The following SIPA1L1 variants were observed in gnomAD, a reference collection of about 807,000 sequenced individuals.
SIPA1L1 encodes the protein signal-induced proliferation-associated 1-like protein 1.
In SIPA1L1, 26 loss-of-function variants were observed where a neutral mutation model predicts 162.7. The ratio of observed to expected loss-of-function variants is 0.16; its 90% CI spans 0.12 to 0.22. The LOEUF (loss-of-function observed/expected upper bound fraction) is 0.22, where lower values mean the gene tolerates loss of function less well. Ranked by LOEUF, SIPA1L1 falls within the 10% of genes least tolerant of loss-of-function variation. SIPA1L1 has a pLI of 1.00. For synonymous variants in SIPA1L1, 829 were observed against 837.4 expected, an observed-to-expected ratio of 0.99 and a Z score of 0.17; for missense variants, 1,874 against 2,241.0, an observed-to-expected ratio of 0.84 and a Z score of 3.31.
chr14:71,603,954 T>G, intron 5 of SIPA1L1, among the ~76,000 whole-genome samples: 1 of 145,388 alleles, frequency 6.9e-6, no homozygotes, highest in African/African-American at 2.5e-5. Context: ...TATATATTTA[T>G]ATATATTTAT....
intron 3 of SIPA1L1, among the ~76,000 whole-genome samples, chr14:71,526,465 T>C (rs2052883929): frequency 6.6e-6 from 1 of 152,352 alleles, no homozygotes. Context: ...GTGTCTGGCA[T>C]CTTTGTCTCA....
At chr14:71,643,436 G>A (rs558773166) in intron 7 of SIPA1L1, among the ~76,000 whole-genome samples, 1 of 152,148 alleles carries the variant, frequency 6.6e-6, no homozygotes, top group African/African-American at 2.4e-5. Context: ...AGACTTTTTT[G>A]TGTGTTTACC....
intron 2 of SIPA1L1, among the ~76,000 whole-genome samples, chr14:71,491,841 G>A (rs2049310355): frequency 7.8e-6 from 1 of 128,154 alleles, no homozygotes; most frequent in Non-Finnish European, 1.7e-5. Context: ...CACATGAAGA[G>A]TTGGCATTTG....
intron 6 of SIPA1L1, among the ~76,000 whole-genome samples, chr14:71,621,686 T>C (rs375332695): frequency 1.3e-5 from 2 of 152,180 alleles, no homozygotes; most frequent in South Asian, 4.1e-4. Flanking sequence ...CCCACTAGAA[T>C]GCAGGCCCCA....
intron 5 of SIPA1L1, among the ~76,000 whole-genome samples, chr14:71,603,923 ATATATATATTTATATATCTATATATATT>A (rs1233188438): frequency 1.4e-5 from 2 of 142,778 alleles, no homozygotes; most frequent in Admixed American, 7.1e-5. Context: ...ATATATAAAT[ATATATATATTTATATATCTATATATATT>A]TATATATATT....
At chr14:71,731,064 C>A (rs2084724533) in intron 20 of SIPA1L1, among the ~76,000 whole-genome samples, 1 of 152,198 alleles carries the variant, frequency 6.6e-6, no homozygotes, top group South Asian at 2.1e-4. Flanking sequence ...ACTGCTGTCA[C>A]CCTTCCTCCC....
In SIPA1L1 at chr14:71,469,164, C is replaced by T. The variant is rs1050521664; in HGVS notation, c.-464-43579C>T. On this transcript the variant is annotated intron_variant, in intron 2 of 23. Coordinates refer to ENST00000381232, the MANE Select transcript of SIPA1L1 (RefSeq NM_001386936.1). ...CTCACCTCCAAGATAACTTCCCCAA[C>T]CTCTCTGAGACCTTACCCATCCGCA... 4.6e-5 allele frequency among the ~76,000 whole-genome samples: 7 copies of T among 152,270 alleles called. No homozygotes were observed. In the South Asian group the frequency reaches 1.2e-3, roughly 27 times the overall value.
At chr14:71,596,629 A>G (rs746591876) in intron 5 of SIPA1L1, among the ~76,000 whole-genome samples, 11 of 152,214 alleles carry the variant, frequency 7.2e-5, no homozygotes, top group Non-Finnish European at 1.6e-4. Context: ...TGCCAGATAC[A>G]GTGTCTGGAG....
chr14:71,668,548 C>G (rs183802931), intron 10 of SIPA1L1, among the ~76,000 whole-genome samples: 430 of 152,270 alleles, frequency 2.8e-3, no homozygotes, highest in Non-Finnish European at 5.0e-3. Context: ...AAAATGAACA[C>G]AAATATTTTT....
chr14:71,362,349 AGACTTCCTTTGAG>A (rs1272414917), intron 2 of SIPA1L1, among the ~76,000 whole-genome samples: 1 of 152,224 alleles, frequency 6.6e-6, no homozygotes, highest in African/African-American at 2.4e-5. Flanking sequence ...TCCCTGTGAA[AGACTTCCTTTGAG>A]GCTAGAGAAA....
chr14:71,423,440 G>T (rs2043333624), intron 2 of SIPA1L1, among the ~76,000 whole-genome samples: 6 of 152,074 alleles, frequency 3.9e-5, no homozygotes, highest in Non-Finnish European at 8.8e-5. Flanking sequence ...GTTTTCCTGT[G>T]AGAGCTTTAT....
At chr14:71,561,863 T>C (rs1358166321) in intron 4 of SIPA1L1, among the ~76,000 whole-genome samples, 4 of 152,196 alleles carry the variant, frequency 2.6e-5, no homozygotes. Flanking sequence ...CTGGGATTAC[T>C]GGCGTGAGCC....
At chr14:71,371,656 T>TC (rs1295274538) in intron 2 of SIPA1L1, among the ~76,000 whole-genome samples, 2 of 152,260 alleles carry the variant, frequency 1.3e-5, no homozygotes, top group Admixed American at 1.3e-4. Flanking sequence ...TGCCTCTGCC[T>TC]CCCAAAGTGC....
At chr14:71,437,656 C>T (rs1567022511) in intron 2 of SIPA1L1, among the ~76,000 whole-genome samples, 1 of 152,200 alleles carries the variant, frequency 6.6e-6, no homozygotes, top group Non-Finnish European at 1.5e-5. Context: ...GACACCGCGC[C>T]TGGCTTATTG....
At chr14:71,460,020 A>G (rs570635319) in intron 2 of SIPA1L1, among the ~76,000 whole-genome samples, 2 of 152,234 alleles carry the variant, frequency 1.3e-5, no homozygotes, top group Non-Finnish European at 1.5e-5. Context: ...CATTACATAA[A>G]GTTAATAATA....
intron 2 of SIPA1L1, among the ~76,000 whole-genome samples, chr14:71,326,149 C>G (rs552243748): frequency 6.6e-6 from 1 of 151,856 alleles, no homozygotes; most frequent in African/African-American, 2.4e-5. Context: ...TTCCACAAAG[C>G]CTTTTACCAA....
At position 71,432,798 on chromosome 14, in the gene SIPA1L1, A is replaced by G. The variant is rs1016584572; in HGVS notation, c.-464-79945A>G. Among the ~76,000 whole-genome samples, 19 of 152,222 alleles carry G rather than the reference A, an allele frequency of 1.2e-4. 1 individual carries two copies. Among genetic ancestry groups the G allele is most frequent in the African/African-American group, 3.6e-4 (15 of 41,452 alleles). On this transcript the variant is annotated intron_variant, in intron 2 of 23. Coordinates refer to ENST00000381232, the MANE Select transcript of SIPA1L1 (RefSeq NM_001386936.1). ...AACATGCACATTTTTATTTAATTTC[A>G]TAGTACTGAATAAATCCTTTTCACA...
At chr14:71,341,765 CT>C (rs2035680667) in intron 2 of SIPA1L1, among the ~76,000 whole-genome samples, 1 of 152,120 alleles carries the variant, frequency 6.6e-6, no homozygotes, top group Non-Finnish European at 1.5e-5. Flanking sequence ...TTTGCTTTTT[CT>C]TTTCCTGCTT....
Position 71,624,236 on chromosome 14 carries a change from GGTGAGT to G in SIPA1L1, c.1818+1_1818+6del, listed in dbSNP as rs1366148845. 6.2e-7 allele frequency: 1 copy of G among 1,607,090 alleles called. No individual in the cohort carries two copies. Among genetic ancestry groups the G allele is most frequent in the Non-Finnish European group, 8.5e-7 (1 of 1,175,502 alleles). On this transcript the variant is annotated splice_donor_variant and splice_donor_5th_base_variant and intron_variant, in intron 7 of 23. Transcript: ENST00000381232. LOFTEE classifies it high-confidence loss of function. ...AGCTCATGAAACTGGATGAACAAGGGGTGAGTTTGCCTTTCTGAGGAGAGCATTCTT... is the reference window on the plus strand; with the variant it reads ...AGCTCATGAAACTGGATGAACAAGGGTTGCCTTTCTGAGGAGAGCATTCTT...
Sources: allele counts gnomAD v4.1 joint callset (sites outside exome capture counted in the v4.1 genomes callset), GRCh38; gene constraint gnomAD v4.1.1; transcripts MANE v1.5; gene names NCBI Gene and HGNC (gene_info 2026-07-23, HGNC 2026-07-21).